PDE1C: variants seen among roughly 807,000 people sequenced by gnomAD.
The protein encoded by PDE1C is phosphodiesterase 1C.
PDE1C carries 62 observed loss-of-function variants against 93.1 expected under a neutral mutation model. That is an observed-to-expected ratio of 0.67 (90% confidence interval 0.54 to 0.82). The LOEUF (loss-of-function observed/expected upper bound fraction) is 0.82. Among genes scored for constraint, PDE1C ranks in the 40% least tolerant of loss-of-function variants. The pLI is 0.00. For missense variants in PDE1C, 742 were observed against 884.6 expected, an observed-to-expected ratio of 0.84 and a Z score of 2.04; for synonymous variants, 325 against 310.1, an observed-to-expected ratio of 1.05 and a Z score of -0.50.
intron 1 of PDE1C, among the ~76,000 whole-genome samples, chr7:32,309,047 T>A (rs1813097415): frequency 6.6e-6 from 1 of 151,744 alleles, no homozygotes; most frequent in South Asian, 2.1e-4. Context: ...TGCAGAGAAG[T>A]CCTTAAAGGA....
chr7:32,404,756 T>C (rs561351893), intron 1 of PDE1C, among the ~76,000 whole-genome samples: 6 of 152,284 alleles, frequency 3.9e-5, no homozygotes, highest in African/African-American at 1.4e-4. Context: ...TATTTGGTTT[T>C]CCTTGACTGA....
intron 2 of PDE1C, among the ~76,000 whole-genome samples, chr7:32,002,502 C>A (rs1785603888): frequency 6.6e-6 from 1 of 152,180 alleles, no homozygotes; most frequent in African/African-American, 2.4e-5. Flanking sequence ...CTGTGATCCA[C>A]AGAGTCCACT....
chr7:32,350,092 G>C (rs116335), intron 1 of PDE1C, among the ~76,000 whole-genome samples: 74,597 of 151,922 alleles, frequency 0.49, 20,748 homozygotes, highest in Admixed American at 0.65. Flanking sequence ...TGTTGTTGTT[G>C]TTCTTCTTCT....
chr7:32,034,772 C>A (rs955182630), intron 2 of PDE1C, among the ~76,000 whole-genome samples: 2 of 152,054 alleles, frequency 1.3e-5, no homozygotes, highest in African/African-American at 4.8e-5. Context: ...GTCAAATTGA[C>A]CTCAATTGAA....
At chr7:32,060,435 C>T (rs868831371) in intron 1 of PDE1C, among the ~76,000 whole-genome samples, 63 of 152,180 alleles carry the variant, frequency 4.1e-4, no homozygotes, top group African/African-American at 1.5e-3. Context: ...CTTCCTATTT[C>T]ATCCAAAATC....
intron 1 of PDE1C, among the ~76,000 whole-genome samples, chr7:32,305,337 T>A (rs1812972777): frequency 6.6e-6 from 1 of 152,240 alleles, no homozygotes. Flanking sequence ...TCCTGCTACC[T>A]CTGCAGCCAA....
intron 1 of PDE1C, among the ~76,000 whole-genome samples, chr7:32,064,616 T>C (rs1349545368): frequency 6.6e-6 from 1 of 152,156 alleles, no homozygotes; most frequent in Non-Finnish European, 1.5e-5. Flanking sequence ...CTCTCCAGCT[T>C]AACATCTTTT....
chr7:31,675,119 A>G, the PDE1C span, among the ~76,000 whole-genome samples: 6 of 152,208 alleles, frequency 3.9e-5, no homozygotes, highest in Non-Finnish European at 1.5e-5. Flanking sequence ...TGGCAGCAGT[A>G]GCTGGGCTCT....
At chr7:32,057,759 T>G (rs1356716355) in intron 1 of PDE1C, among the ~76,000 whole-genome samples, 2 of 152,194 alleles carry the variant, frequency 1.3e-5, no homozygotes, top group Non-Finnish European at 2.9e-5. Context: ...AGGATGCTTT[T>G]AAGGGTCTTT....
intron 1 of PDE1C, among the ~76,000 whole-genome samples, chr7:32,322,434 T>G (rs575139743): frequency 1.1e-4 from 17 of 152,112 alleles, no homozygotes; most frequent in African/African-American, 4.1e-4. Flanking sequence ...AGACGCCATC[T>G]CTACACACGT....
chr7:31,632,717 C>G, the PDE1C span, among the ~76,000 whole-genome samples: 2 of 152,080 alleles, frequency 1.3e-5, no homozygotes, highest in Non-Finnish European at 1.5e-5. Context: ...CCATGTTGGT[C>G]AGACCGTCAT....
intron 1 of PDE1C, among the ~76,000 whole-genome samples, chr7:32,224,253 A>T (rs889086843): frequency 6.6e-6 from 1 of 152,160 alleles, no homozygotes; most frequent in Non-Finnish European, 1.5e-5. Flanking sequence ...CATGCCTGTA[A>T]TCCCAGCTAC....
chr7:31,680,502 T>C, the PDE1C span, among the ~76,000 whole-genome samples: 1 of 152,232 alleles, frequency 6.6e-6, no homozygotes, highest in African/African-American at 2.4e-5. Context: ...GCAAGGGACC[T>C]TGGTCTCTGA....
At chr7:31,741,982 T>A in the PDE1C span, among the ~76,000 whole-genome samples, 8 of 152,220 alleles carry the variant, frequency 5.3e-5, no homozygotes, top group South Asian at 1.2e-3. Flanking sequence ...ATCTGCCCAC[T>A]GGATGAGAGC....
At chr7:31,857,120 A>G (rs938814762) in intron 7 of PDE1C, among the ~76,000 whole-genome samples, 8 of 152,294 alleles carry the variant, frequency 5.3e-5, no homozygotes, top group African/African-American at 1.9e-4. Flanking sequence ...TCCCATTCTG[A>G]GGTCCTGGGG....
chr7:32,077,317 T>G (rs1455360827), intron 3 of PDE1C, among the ~76,000 whole-genome samples: 1 of 152,208 alleles, frequency 6.6e-6, no homozygotes, highest in East Asian at 1.9e-4. Context: ...ATAGTAGTGC[T>G]TCTTCCATCT....
intron 14 of PDE1C, among the ~76,000 whole-genome samples, chr7:31,821,834 A>T (rs1789004409): frequency 6.6e-6 from 1 of 152,232 alleles, no homozygotes; most frequent in South Asian, 2.1e-4. Context: ...GCTTTCCTAC[A>T]CTAGAAGCAG....
intron 3 of PDE1C, among the ~76,000 whole-genome samples, chr7:32,159,194 T>C (rs114227897): frequency 1.3e-3 from 197 of 152,270 alleles, no homozygotes; most frequent in African/African-American, 3.9e-3. Context: ...CAGGATGTAA[T>C]TGTAGAGTAT....
chr7:31,881,490 G>GT (rs78995905), intron 2 of PDE1C, among the ~76,000 whole-genome samples: 5 of 152,070 alleles, frequency 3.3e-5, no homozygotes, highest in Non-Finnish European at 7.4e-5. Flanking sequence ...AATAAAACAT[G>GT]TTTTTTCTGT....
Sources: gnomAD v4.1 joint callset for allele counts (sites outside exome capture counted in the v4.1 genomes callset) on GRCh38, gnomAD v4.1.1 for gene constraint, MANE v1.5 for transcripts, NCBI Gene and HGNC (gene_info 2026-07-23, HGNC 2026-07-21) for gene names.